The following ZNF800 variants were observed in gnomAD, a reference collection of about 807,000 sequenced individuals.
ZNF800 encodes zinc finger protein 800.
Under a neutral mutation model 59.5 loss-of-function variants are expected in ZNF800, and 13 were observed. The observed-to-expected ratio is 0.22, with a 90% confidence interval of 0.14 to 0.35. The LOEUF is 0.35. Ranked by LOEUF, ZNF800 falls within the 10% of genes least tolerant of loss-of-function variation. The pLI is 1.00. For synonymous variants in ZNF800, 266 were observed against 265.7 expected (o/e 1.00, Z -0.01); for missense variants, 621 against 783.7 (o/e 0.79, Z 2.48).
chr7:127,358,271 T>C (rs1276771453), intron 1 of ZNF800, among the ~76,000 whole-genome samples: 1 of 151,958 alleles, frequency 6.6e-6, no homozygotes, highest in Non-Finnish European at 1.5e-5. Flanking sequence ...AACTGAATCA[T>C]ACTAGATTCT....
At chr7:127,386,373 T>G (rs1024738186) in intron 2 of ZNF800, among the ~76,000 whole-genome samples, 1 of 152,170 alleles carries the variant, frequency 6.6e-6, no homozygotes, top group African/African-American at 2.4e-5. Context: ...CTAAAACTAT[T>G]CTCAAAGGCT....
intron 1 of ZNF800, chr7:127,362,305 T>C (rs1352848841): frequency 6.6e-6 from 1 of 152,148 alleles, no homozygotes; most frequent in Non-Finnish European, 1.5e-5. Context: ...CCTGGTCCCA[T>C]CTTCTGATTA....
intron 1 of ZNF800, chr7:127,364,397 C>T (rs1454465543): frequency 6.6e-6 from 1 of 152,036 alleles, no homozygotes; most frequent in Non-Finnish European, 1.5e-5. Flanking sequence ...GCTTGGGCTT[C>T]GGTGAATCAA....
rs1801110820 is a variant in ZNF800 at position 127,385,513 on chromosome 7, T to C, written c.157+547A>G. Among the ~76,000 whole-genome samples the C allele has an allele frequency of 2.0e-5, 3 of 152,324 alleles. No individual in the cohort carries two copies. The South Asian group carries it at 6.2e-4, about 32-fold the overall frequency. On this transcript the variant is annotated intron_variant, in intron 3 of 5. Transcript: ENST00000265827. ...ATTATCAGCTAATGAAAATAAAATC[T>C]AAGCAAATCTACCTGAAGATATCAG...
chr7:127,359,191 C>G (rs1369597203), intron 1 of ZNF800, among the ~76,000 whole-genome samples: 1 of 151,808 alleles, frequency 6.6e-6, no homozygotes, highest in African/African-American at 2.4e-5. Context: ...GCCTGCATAC[C>G]TAGGACACCA....
chr7:127,357,864 C>G (rs896455229), intron 1 of ZNF800, among the ~76,000 whole-genome samples: 1 of 151,678 alleles, frequency 6.6e-6, no homozygotes, highest in Non-Finnish European at 1.5e-5. Context: ...GAGAGAGAGA[C>G]AGCATCAGAG....
chr7:127,392,495 CG>C lies in ZNF800; in HGVS notation c.-495del. On this transcript the variant is annotated 5_prime_UTR_variant, in exon 1 of 6. Transcript: ENST00000265827. ...CCCACCAGCGCCGCTCCACCTGCAA[CG>C]GTCCCTCAGGCTTTAGGAGAGGGGC... 2.9e-6 allele frequency: 1 copy of C among 349,884 alleles called. No individual in the cohort carries two copies. Among genetic ancestry groups the C allele is most frequent in the Non-Finnish European group, 5.1e-6 (1 of 194,838 alleles). 21.7% of individuals were successfully genotyped at this position (349,884 alleles called of 1,614,324 possible).
At chr7:127,365,474 T>C (rs994677476), downstream of ZNF800, among the ~76,000 whole-genome samples, 2 of 152,120 alleles carry the variant, frequency 1.3e-5, no homozygotes, top group African/African-American at 2.4e-5. Context: ...CTATGAGGCA[T>C]TGGTGATACA....
chr7:127,346,946 A>G (rs1219616940), exon 2 of ZNF800: 1 of 152,558 alleles, frequency 6.6e-6, no homozygotes, highest in South Asian at 2.1e-4. Context: ...GGAGTCCTAC[A>G]TCTTCCATGA....
intron 3 of ZNF800, among the ~76,000 whole-genome samples, chr7:127,384,281 C>T (rs1227057419): frequency 1.2e-4 from 16 of 128,338 alleles, no homozygotes; most frequent in African/African-American, 4.1e-4. Flanking sequence ...TCCTCCAGGC[C>T]GGACTGCAGT....
intron 5 of ZNF800, 142 bp downstream of exon 5, chr7:127,373,200 A>G: frequency 6.9e-7 from 1 of 1,455,220 alleles, no homozygotes; most frequent in Non-Finnish European, 9.0e-7. Context: ...TGCAATATGC[A>G]CATTACTCTT....
At chr7:127,357,000 A>T (rs1217484454) in intron 1 of ZNF800, among the ~76,000 whole-genome samples, 1 of 152,032 alleles carries the variant, frequency 6.6e-6, no homozygotes, top group East Asian at 1.9e-4. Flanking sequence ...ATACAGACCA[A>T]TGGCATCTTG....
intron 3 of ZNF800, among the ~76,000 whole-genome samples, chr7:127,381,000 G>A (rs961609966): frequency 2.6e-5 from 4 of 152,192 alleles, no homozygotes; most frequent in African/African-American, 9.7e-5. Context: ...CAAGTGCATT[G>A]CATGTACTGG....
At chr7:127,352,021 T>C (rs753667757) in intron 1 of ZNF800, among the ~76,000 whole-genome samples, 1 of 152,128 alleles carries the variant, frequency 6.6e-6, no homozygotes, top group Non-Finnish European at 1.5e-5. Flanking sequence ...AGAATAAAAA[T>C]CTTAAAGTTA....
At chr7:127,387,917 A>AACACACAC (rs141731563) in intron 2 of ZNF800, among the ~76,000 whole-genome samples, 209 of 147,830 alleles carry the variant, frequency 1.4e-3, no homozygotes, top group African/African-American at 4.3e-3. Flanking sequence ...ATTAATTAAG[A>AACACACAC]ACACACACAC....
At chr7:127,359,077 T>C (rs573883825) in intron 1 of ZNF800, among the ~76,000 whole-genome samples, 3 of 152,238 alleles carry the variant, frequency 2.0e-5, no homozygotes, top group African/African-American at 7.2e-5. Context: ...ACACAACTAG[T>C]CTTACAAGTA....
intron 1 of ZNF800, chr7:127,364,254 G>C (rs1313527623): frequency 6.6e-6 from 1 of 152,092 alleles, no homozygotes; most frequent in Non-Finnish European, 1.5e-5. Context: ...ACCTTCAAGT[G>C]AACTTTCAAC....
intron 5 of ZNF800, chr7:127,373,111 G>A (rs1284266733): frequency 2.0e-6 from 2 of 985,384 alleles, no homozygotes; most frequent in Non-Finnish European, 2.4e-6. Flanking sequence ...CAACTACATT[G>A]CATTGTCCTG....
At chr7:127,347,622 G>T (rs1346980387) in exon 2 of ZNF800, 1 of 152,330 alleles carries the variant, frequency 6.6e-6, no homozygotes. Context: ...CGACTCGCAC[G>T]GAGGCCGCCC....
Sources: gnomAD v4.1 joint callset for allele counts (sites outside exome capture counted in the v4.1 genomes callset) on GRCh38, gnomAD v4.1.1 for gene constraint, MANE v1.5 for transcripts, NCBI Gene and HGNC (gene_info 2026-07-23, HGNC 2026-07-21) for gene names.